The following SLIT3 variants were observed in gnomAD, a reference collection of about 807,000 sequenced individuals.
SLIT3 encodes slit guidance ligand 3, also known as slit homolog 3 protein.
Under a neutral mutation model 184.0 loss-of-function variants are expected in SLIT3, and 68 were observed. The observed-to-expected ratio is 0.37, with a 90% confidence interval of 0.30 to 0.45. The LOEUF (loss-of-function observed/expected upper bound fraction) is 0.45. Among genes scored for constraint, SLIT3 ranks in the 20% least tolerant of loss-of-function variants. SLIT3 has a pLI of 1.00. For synonymous variants in SLIT3, 831 were observed against 828.6 expected, an observed-to-expected ratio of 1.00 and a Z score of -0.05; for missense variants, 1,707 against 2,026.0, an observed-to-expected ratio of 0.84 and a Z score of 3.02.
At chr5:168,808,103 T>C (rs1757037472) in intron 8 of SLIT3, among the ~76,000 whole-genome samples, 1 of 152,204 alleles carries the variant, frequency 6.6e-6, no homozygotes, top group African/African-American at 2.4e-5. Context: ...AAAATATTCT[T>C]GTCCAGGGTA....
intron 1 of SLIT3, among the ~76,000 whole-genome samples, chr5:169,296,955 T>C (rs934720048): frequency 5.9e-5 from 9 of 152,184 alleles, no homozygotes; most frequent in African/African-American, 2.2e-4. Context: ...TGGGGAGAAG[T>C]GGCCCCGTGT....
At chr5:169,289,377 A>T (rs887961470) in intron 1 of SLIT3, among the ~76,000 whole-genome samples, 1 of 152,242 alleles carries the variant, frequency 6.6e-6, no homozygotes, top group Admixed American at 6.5e-5. Context: ...ATTATTGAAC[A>T]GGACAGCTCT....
intron 4 of SLIT3, among the ~76,000 whole-genome samples, chr5:168,968,190 CT>C (rs927906754): frequency 3.3e-5 from 5 of 152,192 alleles, no homozygotes; most frequent in African/African-American, 1.2e-4. Context: ...GCTAAGGCAA[CT>C]GCTCAGCACC....
chr5:169,270,190 C>T (rs931707944), intron 1 of SLIT3, among the ~76,000 whole-genome samples: 15 of 152,206 alleles, frequency 9.9e-5, no homozygotes, highest in African/African-American at 3.1e-4. Context: ...TCATCCAGCA[C>T]ACCTGAAAGA....
chr5:168,867,814 C>G (rs1168563711), intron 5 of SLIT3, among the ~76,000 whole-genome samples: 2 of 151,976 alleles, frequency 1.3e-5, no homozygotes, highest in Non-Finnish European at 2.9e-5. Flanking sequence ...TCAAGACTTG[C>G]TAACATATTA....
At chr5:169,258,281 C>G (rs1335169077) in intron 1 of SLIT3, among the ~76,000 whole-genome samples, 1 of 152,152 alleles carries the variant, frequency 6.6e-6, no homozygotes, top group Non-Finnish European at 1.5e-5. Flanking sequence ...AGGTTATCCA[C>G]TGAATTTTTT....
Position 168,710,914 on chromosome 5 carries a change from G to T in SLIT3, c.2700C>A (p.Thr900=). Residue 900 remains threonine, a synonymous_variant, in exon 25 of 36, where the codon ACC becomes ACA. Coordinates refer to ENST00000519560, the MANE Select transcript of SLIT3 (RefSeq NM_003062.4). ...MADRLLLTTP[T]HRFQCKGPVD... Reference sequence around the variant, plus strand: ...ACCTACCTTTGCACTGGAAGCGGTGGGTTGGGGTGGTGAGCAGGAGCCTGT... The same window carrying T: ...ACCTACCTTTGCACTGGAAGCGGTGTGTTGGGGTGGTGAGCAGGAGCCTGT... 2 of 1,553,570 alleles carry T rather than the reference G, an allele frequency of 1.3e-6. No homozygotes were observed. The highest frequency in any genetic ancestry group is 1.7e-6 in the Non-Finnish European group (2 of 1,147,292).
chr5:169,293,876 G>A (rs1767426575), intron 1 of SLIT3, among the ~76,000 whole-genome samples: 1 of 152,254 alleles, frequency 6.6e-6, no homozygotes, highest in African/African-American at 2.4e-5. Flanking sequence ...AGTCACAGTA[G>A]TTACAGATCA....
intron 5 of SLIT3, among the ~76,000 whole-genome samples, chr5:168,877,661 G>A (rs1421931373): frequency 2.6e-5 from 4 of 152,236 alleles, no homozygotes; most frequent in East Asian, 1.9e-4. Context: ...CGGGCGGTGC[G>A]GCAACACAGA....
chr5:168,839,701 G>A (rs922688634), intron 6 of SLIT3, among the ~76,000 whole-genome samples: 1 of 152,146 alleles, frequency 6.6e-6, no homozygotes, highest in Non-Finnish European at 1.5e-5. Context: ...ACAAACATTT[G>A]CCCTCCCCCA....
At chr5:168,732,426 G>A (rs1470481225) in intron 20 of SLIT3, among the ~76,000 whole-genome samples, 1 of 151,588 alleles carries the variant, frequency 6.6e-6, no homozygotes, top group African/African-American at 2.4e-5. Context: ...CCTACCAAAT[G>A]ACCAATGTCA....
chr5:169,211,489 T>G (rs1195451590), intron 3 of SLIT3, among the ~76,000 whole-genome samples: 1 of 152,136 alleles, frequency 6.6e-6, no homozygotes, highest in Non-Finnish European at 1.5e-5. Flanking sequence ...CCCTATCCCG[T>G]TACCCCTCAA....
At chr5:169,055,393 AT>A (rs1757959354) in intron 4 of SLIT3, among the ~76,000 whole-genome samples, 1 of 152,206 alleles carries the variant, frequency 6.6e-6, no homozygotes, top group Non-Finnish European at 1.5e-5. Context: ...GACATTTGAG[AT>A]TAGAGTTGAA....
At chr5:168,985,362 G>A (rs1755087443) in intron 4 of SLIT3, among the ~76,000 whole-genome samples, 1 of 152,154 alleles carries the variant, frequency 6.6e-6, no homozygotes, top group Non-Finnish European at 1.5e-5. Context: ...ATATGAGATT[G>A]GGCTTCAGCA....
At chr5:168,773,991 C>A (rs929519757) in intron 13 of SLIT3, among the ~76,000 whole-genome samples, 4 of 152,102 alleles carry the variant, frequency 2.6e-5, no homozygotes, top group African/African-American at 9.7e-5. Flanking sequence ...GTAACAGCAC[C>A]AAGTAGGGTC....
At chr5:169,053,539 T>C (rs1243031585) in intron 4 of SLIT3, among the ~76,000 whole-genome samples, 4 of 152,184 alleles carry the variant, frequency 2.6e-5, no homozygotes, top group African/African-American at 7.2e-5. Flanking sequence ...TTATATGATA[T>C]AGTCTATATT....
At chr5:168,945,609 G>A (rs1345994604) in intron 4 of SLIT3, among the ~76,000 whole-genome samples, 6 of 152,242 alleles carry the variant, frequency 3.9e-5, no homozygotes, top group South Asian at 2.1e-4. Context: ...CTGTGTCTCC[G>A]CCTGGAACCC....
At chr5:168,900,078 A>G (rs902905832) in intron 4 of SLIT3, among the ~76,000 whole-genome samples, 1 of 152,206 alleles carries the variant, frequency 6.6e-6, no homozygotes, top group Non-Finnish European at 1.5e-5. Flanking sequence ...GCAAATTAAA[A>G]CCACAATGAG....
At chr5:168,671,135 G>C in intron 34 of SLIT3, 63 bp downstream of exon 34, 1 of 1,540,274 alleles carries the variant, frequency 6.5e-7, no homozygotes, top group Admixed American at 1.7e-5. Context: ...TTTCTCAGGT[G>C]GGGTAGGGAC....
Sources: allele counts gnomAD v4.1 joint callset (sites outside exome capture counted in the v4.1 genomes callset), GRCh38; gene constraint gnomAD v4.1.1; transcripts MANE v1.5; gene names NCBI Gene and HGNC (gene_info 2026-07-23, HGNC 2026-07-21).